Variants in SPATA13 observed in about 807,000 individuals in gnomAD.
The protein encoded by SPATA13 is spermatogenesis-associated protein 13.
A neutral mutation model predicts 104.0 loss-of-function variants in SPATA13; 50 were observed. The observed-to-expected ratio is 0.48, with a 90% CI of 0.38 to 0.61. The LOEUF is 0.61. Ranked by LOEUF, SPATA13 falls within the 20% of genes least tolerant of loss-of-function variation. The pLI, the probability that SPATA13 is intolerant of heterozygous loss-of-function variation, is 0.00. For missense variants in SPATA13, 1,524 were observed against 1,690.6 expected (o/e 0.90, Z 1.73); for synonymous variants, 606 against 667.5 (o/e 0.91, Z 1.42).
At chr13:24,231,826 G>A (rs1872294604) in intron 2 of SPATA13, among the ~76,000 whole-genome samples, 1 of 152,122 alleles carries the variant, frequency 6.6e-6, no homozygotes. Context: ...TTTCATTTTG[G>A]CTTTAATTAG....
At chr13:24,150,884 C>T (rs1882080776) in intron 3 of SPATA13, among the ~76,000 whole-genome samples, 1 of 152,146 alleles carries the variant, frequency 6.6e-6, no homozygotes, top group Non-Finnish European at 1.5e-5. Context: ...CCTTCACAGC[C>T]ACACGGAGAC....
At chr13:24,037,393 C>T (rs945998425) in intron 3 of SPATA13, among the ~76,000 whole-genome samples, 13 of 71,770 alleles carry the variant, frequency 1.8e-4, no homozygotes, top group South Asian at 5.2e-4. Context: ...AACAGGTTCT[C>T]GACTAATACT....
intron 2 of SPATA13, among the ~76,000 whole-genome samples, chr13:23,989,622 C>T (rs1593260282): frequency 6.6e-6 from 1 of 152,150 alleles, no homozygotes. Flanking sequence ...CACAGAGTAA[C>T]GTCCCAGTTC....
chr13:24,301,561 G>A (rs1877185236), intron 12 of SPATA13, among the ~76,000 whole-genome samples: 3 of 152,206 alleles, frequency 2.0e-5, no homozygotes, highest in Admixed American at 2.0e-4. Flanking sequence ...GGCTTCTCAA[G>A]AACGGAAGGA....
At chr13:24,300,692 G>A in intron 12 of SPATA13, 3 of 552,446 alleles carry the variant, frequency 5.4e-6, no homozygotes, top group Non-Finnish European at 9.8e-6. Context: ...TGTGGGCATA[G>A]GAAACCTTCA....
intron 7 of SPATA13, among the ~76,000 whole-genome samples, chr13:24,288,472 GGT>G (rs1227104136): frequency 6.6e-6 from 1 of 152,116 alleles, no homozygotes; most frequent in Non-Finnish European, 1.5e-5. Flanking sequence ...GTATAGCCAT[GGT>G]GTTGCACATA....
intron 3 of SPATA13, among the ~76,000 whole-genome samples, chr13:24,154,986 T>C (rs985611204): frequency 6.6e-6 from 1 of 152,146 alleles, no homozygotes; most frequent in African/African-American, 2.4e-5. Flanking sequence ...GCCTCCCTTG[T>C]AGCTGGGATT....
chr13:24,280,821 C>T lies in SPATA13; in HGVS notation c.2165-3314C>T, dbSNP rs1023805644. Among the ~76,000 whole-genome samples, 4 of 152,164 alleles carry T rather than the reference C, an allele frequency of 2.6e-5. No individual in the cohort carries two copies. In the South Asian group the frequency reaches 6.2e-4, roughly 24 times the overall value. ...CTCAAGACATCCCCCAACCCACCCC[C>T]AAACTCACACACCAGCAAAGCATAC... On this transcript the variant is annotated intron_variant, in intron 4 of 12. Coordinates refer to ENST00000382108, the MANE Select transcript of SPATA13 (RefSeq NM_001166271.3).
At chr13:24,198,442 G>C (rs1242133315) in intron 1 of SPATA13, among the ~76,000 whole-genome samples, 1 of 152,152 alleles carries the variant, frequency 6.6e-6, no homozygotes, top group Non-Finnish European at 1.5e-5. Context: ...GATGTTCTAG[G>C]AAGGTGAAAA....
intron 4 of SPATA13, among the ~76,000 whole-genome samples, chr13:24,254,702 T>A (rs1277197749): frequency 2.6e-5 from 4 of 152,244 alleles, no homozygotes; most frequent in Non-Finnish European, 5.9e-5. Flanking sequence ...AGGGGCTGTC[T>A]GGTTCCTGCG....
intron 10 of SPATA13, among the ~76,000 whole-genome samples, chr13:24,296,615 G>T (rs1433593123): frequency 6.6e-6 from 1 of 152,096 alleles, no homozygotes; most frequent in Non-Finnish European, 1.5e-5. Context: ...TCACGATACT[G>T]TGTCCCCTGC....
chr13:24,141,307 C>A (rs1881754761), intron 3 of SPATA13, among the ~76,000 whole-genome samples: 1 of 151,564 alleles, frequency 6.6e-6, no homozygotes, highest in African/African-American at 2.4e-5. Flanking sequence ...ATAGTGAGAC[C>A]CAGATAATTA....
At chr13:24,077,185 A>G (rs191729565) in intron 3 of SPATA13, among the ~76,000 whole-genome samples, 1 of 150,386 alleles carries the variant, frequency 6.6e-6, no homozygotes, top group South Asian at 2.1e-4. Flanking sequence ...GTTCCATTCC[A>G]TAAGTTATCT....
At chr13:24,159,602 C>T (rs1882383064), upstream of SPATA13, among the ~76,000 whole-genome samples, 1 of 152,116 alleles carries the variant, frequency 6.6e-6, no homozygotes, top group African/African-American at 2.4e-5. Flanking sequence ...TGAACTAAGT[C>T]CATTACTTAC....
chr13:24,156,024 T>C (rs556602564), upstream of SPATA13, among the ~76,000 whole-genome samples: 1 of 152,326 alleles, frequency 6.6e-6, no homozygotes, highest in Admixed American at 6.5e-5. Flanking sequence ...TTGTTCCTCT[T>C]TAAGGCTGAG....
At chr13:24,165,633 A>C in intron 1 of SPATA13, among the ~76,000 whole-genome samples, 1 of 150,060 alleles carries the variant, frequency 6.7e-6, no homozygotes, top group Non-Finnish European at 1.5e-5. Context: ...ATCTTTACTC[A>C]CTGTCTGGGA....
intron 3 of SPATA13, among the ~76,000 whole-genome samples, chr13:24,059,612 A>G (rs1342839604): frequency 6.6e-6 from 1 of 152,134 alleles, no homozygotes; most frequent in Admixed American, 6.5e-5. Flanking sequence ...CCATTATCTC[A>G]TTTAATCCTG....
chr13:24,125,042 C>T (rs1161108482), intron 3 of SPATA13, among the ~76,000 whole-genome samples: 1 of 152,198 alleles, frequency 6.6e-6, no homozygotes, highest in Admixed American at 6.5e-5. Flanking sequence ...GGCAGGGGCT[C>T]TCCCCGGTAT....
rs201816417 is a variant in SPATA13 at position 24,294,915 on chromosome 13, G to T, written c.3210+47G>T. ...TGATCCCATGCCACTCGCCCTTCCC[G>T]CACCTTTGATCTGGTGCAGATGCAC... On this transcript the variant is annotated intron_variant, in intron 10 of 12. Coordinates refer to ENST00000382108, the MANE Select transcript of SPATA13 (RefSeq NM_001166271.3). 12 of 1,570,534 alleles carry T rather than the reference G, an allele frequency of 7.6e-6. No homozygotes were observed. The East Asian group carries it at 1.6e-4, about 21-fold the overall frequency.
Sources: allele counts gnomAD v4.1 joint callset (sites outside exome capture counted in the v4.1 genomes callset), GRCh38; gene constraint gnomAD v4.1.1; transcripts MANE v1.5; gene names NCBI Gene and HGNC (gene_info 2026-07-23, HGNC 2026-07-21).